Variants in CFAP299 observed in about 807,000 individuals in gnomAD.
CFAP299 encodes cilia and flagella associated protein 299, also known as cilia- and flagella-associated protein 299.
Under a neutral mutation model 27.0 loss-of-function variants are expected in CFAP299, and 21 were observed. The ratio of observed to expected loss-of-function variants is 0.78; its 90% CI spans 0.55 to 1.12. The LOEUF is 1.12. CFAP299 is among the 50% of genes most tolerant of loss of function. CFAP299 has a pLI of 0.00. For synonymous variants in CFAP299, 104 were observed against 98.1 expected, an observed-to-expected ratio of 1.06 and a Z score of -0.36; for missense variants, 310 against 276.6, an observed-to-expected ratio of 1.12 and a Z score of -0.86.
At chr4:80,905,489 A>G (rs1331184235) in intron 4 of CFAP299, among the ~76,000 whole-genome samples, 2 of 152,200 alleles carry the variant, frequency 1.3e-5, no homozygotes, top group Admixed American at 6.5e-5. Context: ...AAAGACTAGA[A>G]TTCTCAAGAC....
intron 2 of CFAP299, among the ~76,000 whole-genome samples, chr4:80,509,826 CTGAT>C (rs1284190758): frequency 6.6e-6 from 1 of 151,836 alleles, no homozygotes; most frequent in African/African-American, 2.4e-5. Flanking sequence ...TATCACAAAA[CTGAT>C]TGCCTGGCCA....
chr4:80,861,848 A>G (rs1225982526), intron 3 of CFAP299, among the ~76,000 whole-genome samples: 2 of 152,144 alleles, frequency 1.3e-5, no homozygotes, highest in Admixed American at 1.3e-4. Flanking sequence ...AATATTTTGT[A>G]TTGGATCAAC....
chr4:80,756,721 G>T (rs1481348776), intron 3 of CFAP299, among the ~76,000 whole-genome samples: 3 of 152,042 alleles, frequency 2.0e-5, no homozygotes, highest in Non-Finnish European at 4.4e-5. Context: ...TGAGTAGTTG[G>T]TTGTCACAGA....
At chr4:80,478,582 A>C (rs543245651) in intron 2 of CFAP299, among the ~76,000 whole-genome samples, 3 of 152,100 alleles carry the variant, frequency 2.0e-5, no homozygotes, top group African/African-American at 7.2e-5. Context: ...TTCAAAATCA[A>C]AAAGGGCCTG....
At chr4:80,821,785 G>C (rs1362703817) in intron 3 of CFAP299, among the ~76,000 whole-genome samples, 2 of 152,070 alleles carry the variant, frequency 1.3e-5, no homozygotes. Context: ...GAGGCCAGCT[G>C]ACACCCAGAG....
intron 2 of CFAP299, among the ~76,000 whole-genome samples, chr4:80,445,832 T>C (rs1165207701): frequency 2.0e-5 from 3 of 152,202 alleles, no homozygotes; most frequent in Non-Finnish European, 4.4e-5. Context: ...TTTGTTGGCA[T>C]CTATTGAGAT....
At chr4:80,586,389 G>A (rs1207599475) in intron 3 of CFAP299, among the ~76,000 whole-genome samples, 1 of 152,106 alleles carries the variant, frequency 6.6e-6, no homozygotes, top group East Asian at 1.9e-4. Context: ...TTTCTCTTTA[G>A]AAAAGATAGT....
At chr4:80,853,184 T>C (rs13142333) in intron 3 of CFAP299, among the ~76,000 whole-genome samples, 22,635 of 151,938 alleles carry the variant, frequency 0.15, 2,035 homozygotes, top group Middle Eastern at 0.27. Context: ...GTACCTGCCA[T>C]CACATCCAGC....
At chr4:80,629,333 G>A (rs992252085) in intron 3 of CFAP299, among the ~76,000 whole-genome samples, 1 of 152,118 alleles carries the variant, frequency 6.6e-6, no homozygotes, top group African/African-American at 2.4e-5. Context: ...GGGGAGAGAT[G>A]TTGGTCAAAG....
Position 80,358,645 on chromosome 4 carries a change from A to G in CFAP299, c.112-4109A>G, listed in dbSNP as rs181695127. 7.4e-5 allele frequency among the ~76,000 whole-genome samples: 11 copies of G among 149,100 alleles called. No individual in the cohort carries two copies. The East Asian group carries it at 2.2e-3, about 30-fold the overall frequency. Reference sequence around the variant, plus strand: ...TGTTTTGTCAGAAACTATGATTGCAACCCCTGCTTTTTTCTATTTTCCATT... The same window carrying G: ...TGTTTTGTCAGAAACTATGATTGCAGCCCCTGCTTTTTTCTATTTTCCATT... On this transcript the variant is annotated intron_variant, in intron 1 of 5. Coordinates refer to ENST00000358105, the MANE Select transcript of CFAP299 (RefSeq NM_152770.3).
At chr4:80,790,511 C>T (rs1006019710) in intron 3 of CFAP299, 10 of 151,924 alleles carry the variant, frequency 6.6e-5, no homozygotes, top group African/African-American at 1.9e-4. Context: ...TACATCATGA[C>T]GGTGGAACCC....
At position 80,765,977 on chromosome 4, in the gene CFAP299, T is replaced by C. The variant is rs565719061; in HGVS notation, c.334-104016T>C. On this transcript the variant is annotated intron_variant, in intron 3 of 5. Transcript: ENST00000358105. The stretch of plus-strand genomic sequence containing the variant: ...CATCTACTATAATTTCACAGAAGAA[T>C]AGCATATAGAGAATGGCAGTGAGTC... Among the ~76,000 whole-genome samples, 30 of 152,042 alleles carry C rather than the reference T, an allele frequency of 2.0e-4. No homozygotes were observed. The South Asian group carries it at 6.0e-3, about 30-fold the overall frequency.
chr4:80,809,248 T>C (rs756507053), intron 3 of CFAP299, among the ~76,000 whole-genome samples: 2 of 152,120 alleles, frequency 1.3e-5, no homozygotes, highest in Non-Finnish European at 2.9e-5. Flanking sequence ...TGGCACACCC[T>C]ATAATTATAT....
chr4:80,536,134 G>C (rs1372339414), intron 2 of CFAP299, among the ~76,000 whole-genome samples: 1 of 152,166 alleles, frequency 6.6e-6, no homozygotes, highest in East Asian at 1.9e-4. Context: ...GTGGGTGGTA[G>C]TTATATGGTG....
chr4:80,401,691 C>A lies in CFAP299; in HGVS notation c.242+38807C>A, dbSNP rs12644458. Among the ~76,000 whole-genome samples the A allele has an allele frequency of 2.3e-4, 35 of 152,304 alleles. No individual in the cohort carries two copies. The East Asian group carries it at 6.6e-3, about 29-fold the overall frequency. ...AAGGGAAATGTGGGGTCAGAGCCCT[C>A]CCCAAGCAGAGTCCCTACTGGGTCA... On this transcript the variant is annotated intron_variant, in intron 2 of 5. Transcript: ENST00000358105.
At chr4:80,573,120 G>T (rs189467917) in intron 2 of CFAP299, among the ~76,000 whole-genome samples, 1 of 152,032 alleles carries the variant, frequency 6.6e-6, no homozygotes, top group East Asian at 1.9e-4. Flanking sequence ...TCTCCACATG[G>T]TCACCAGTAT....
At chr4:80,684,849 T>A (rs1160229652) in intron 3 of CFAP299, among the ~76,000 whole-genome samples, 1 of 152,138 alleles carries the variant, frequency 6.6e-6, no homozygotes, top group Admixed American at 6.5e-5. Flanking sequence ...TTATACAGTC[T>A]CAAAATGATG....
intron 3 of CFAP299, among the ~76,000 whole-genome samples, chr4:80,659,371 A>G (rs1487345860): frequency 2.6e-5 from 4 of 152,012 alleles, no homozygotes; most frequent in African/African-American, 9.6e-5. Context: ...ACACACTGAG[A>G]GATGATATTT....
intron 3 of CFAP299, among the ~76,000 whole-genome samples, chr4:80,799,130 A>G (rs1578134031): frequency 8.3e-6 from 1 of 120,562 alleles, no homozygotes; most frequent in South Asian, 2.7e-4. Flanking sequence ...TTTATACAAT[A>G]TTTATATATA....
Sources: allele counts gnomAD v4.1 joint callset (sites outside exome capture counted in the v4.1 genomes callset), GRCh38; gene constraint gnomAD v4.1.1; transcripts MANE v1.5; gene names NCBI Gene and HGNC (gene_info 2026-07-23, HGNC 2026-07-21).